Variants in XPNPEP2 observed in about 807,000 individuals in gnomAD.
XPNPEP2 encodes xaa-Pro aminopeptidase 2.
A neutral mutation model predicts 59.8 loss-of-function variants in XPNPEP2; 64 were observed. The ratio of observed to expected loss-of-function variants is 1.07; its 90% CI spans 0.87 to 1.32. The LOEUF (loss-of-function observed/expected upper bound fraction) is 1.32, where lower values mean the gene tolerates loss of function less well. XPNPEP2 is among the 40% of genes most tolerant of loss of function. The pLI, the probability that XPNPEP2 is intolerant of heterozygous loss-of-function variation, is 0.00. For missense variants in XPNPEP2, 575 were observed against 546.8 expected (o/e 1.05, Z -0.51); for synonymous variants, 235 against 210.0 (o/e 1.12, Z -1.03).
intron 1 of XPNPEP2, among the ~76,000 whole-genome samples, chrX:129,739,931 C>T (rs1290502922): frequency 2.7e-5 from 3 of 112,227 alleles, no homozygotes; most frequent in African/African-American, 9.7e-5. Context: ...CCCAGCCCAG[C>T]GCTCCCACCC....
chrX:129,755,078 T>C (rs1018678397), intron 12 of XPNPEP2, among the ~76,000 whole-genome samples: 2 of 111,628 alleles, frequency 1.8e-5, no homozygotes, highest in Admixed American at 1.9e-4. Context: ...GGAGAGGAAA[T>C]AATGTGTGTC....
At chrX:129,755,969 G>A (rs1231464818) in intron 13 of XPNPEP2, among the ~76,000 whole-genome samples, 5 of 111,682 alleles carry the variant, frequency 4.5e-5, no homozygotes, top group East Asian at 2.8e-4. Context: ...GGTGCTCCTC[G>A]GCTTTACCAC....
At chrX:129,745,907 C>A (rs1434732372) in intron 4 of XPNPEP2, among the ~76,000 whole-genome samples, 1 of 111,077 alleles carries the variant, frequency 9.0e-6, no homozygotes, top group African/African-American at 3.3e-5. Context: ...TCTGGTTTAG[C>A]CTCCCTATCA....
chrX:129,753,752 C>G lies in XPNPEP2; in HGVS notation c.1107+504C>G, dbSNP rs190921469. ...ATAGTACAGTGGTTTAGAGCACAGG[C>G]CCTGGAGCTAGGGTGCCTTGAGTTC... is the stretch of plus-strand genomic sequence containing the variant. On this transcript the variant is annotated intron_variant, in intron 11 of 20. Transcript: ENST00000371106. 1.2e-3 allele frequency among the ~76,000 whole-genome samples: 138 copies of G among 112,043 alleles called. 1 individual carries two copies. Among genetic ancestry groups the G allele is most frequent in the African/African-American group, 3.6e-3 (111 of 30,828 alleles).
chrX:129,761,392 C>T, intron 17 of XPNPEP2, 116 bp downstream of exon 17: 1 of 603,691 alleles, frequency 1.7e-6, no homozygotes. Flanking sequence ...CATGATCTAC[C>T]CAAGGTTACC....
intron 3 of XPNPEP2, among the ~76,000 whole-genome samples, 188 bp from the exon 4 acceptor site, chrX:129,745,015 G>A (rs1032910156): frequency 5.4e-5 from 6 of 111,572 alleles, no homozygotes; most frequent in Non-Finnish European, 1.1e-4. Context: ...TTGCTCAAAG[G>A]AAGGGAAGAT....
intron 2 of XPNPEP2, among the ~76,000 whole-genome samples, chrX:129,743,352 C>T (rs113964604): frequency 3.6e-5 from 4 of 112,103 alleles, no homozygotes; most frequent in African/African-American, 9.7e-5. Context: ...CATTCACTCT[C>T]CTCTGCCATT....
Position 129,747,626 on chromosome X carries a change from T to A in XPNPEP2, c.510T>A (p.Asp170Glu). Residue 170 changes from aspartate to glutamate, a missense_variant, in exon 7 of 21, where the codon GAT (aspartate) becomes GAA (glutamate). Asp to Glu is a conservative substitution (Grantham distance 45, BLOSUM62 2). Transcript: ENST00000371106. ...LLSIDTWESY[D>E]LALQGSNRQL... is the part of the protein sequence containing the mutation. Reference sequence around the variant, plus strand: ...CTGCAGACACCTGGGAGAGTTATGATCTGGCCCTCCAAGGCTCTAACAGAC... The same window carrying A: ...CTGCAGACACCTGGGAGAGTTATGAACTGGCCCTCCAAGGCTCTAACAGAC... 8.3e-7 allele frequency: 1 copy of A among 1,211,690 alleles called. No individual in the cohort carries two copies. The highest frequency in any genetic ancestry group is 1.1e-6 in the Non-Finnish European group (1 of 895,565).
At chrX:129,767,133 G>A (rs764355519) in intron 19 of XPNPEP2, among the ~76,000 whole-genome samples, 2 of 111,280 alleles carry the variant, frequency 1.8e-5, no homozygotes, top group Non-Finnish European at 3.8e-5. Flanking sequence ...AGGATCACCT[G>A]AGCCCAGGAG....
In XPNPEP2 at chrX:129,768,272, C is replaced by T. The variant is rs780427485; in HGVS notation, c.1831-19C>T. 6.2e-6 allele frequency: 7 copies of T among 1,137,285 alleles called. No homozygotes were observed. The highest frequency in any genetic ancestry group is 8.1e-6 in the Non-Finnish European group (7 of 859,546). 93.7% of individuals were successfully genotyped at this position (1,137,285 alleles called of 1,213,427 possible). ...GCAGCTTGGCTTAGAGAGGCTGTCA[C>T]CCCTTCTATCCTTCGCAGCTCCAGT... On this transcript the variant is annotated intron_variant, in intron 20 of 20. Transcript: ENST00000371106.
Position 129,744,038 on chromosome X carries a change from A to G in XPNPEP2, c.201A>G (p.Ser67=). 1 of 1,211,735 alleles carries G rather than the reference A, an allele frequency of 8.3e-7. No homozygotes were observed. The highest frequency in any genetic ancestry group is 3.0e-5 in the East Asian group (1 of 33,871). The part of the protein sequence containing the change: ...LRQQMQTQNL[S]AYIIPGTDAH... ...AGCAGATGCAGACCCAGAATCTCTC[A>G]GCCTACATCATCCCAGGCACAGATG... The change falls in exon 3 of 21, where the codon TCA becomes TCG. Residue 67 remains serine, a synonymous_variant. Coordinates refer to ENST00000371106, the MANE Select transcript of XPNPEP2 (RefSeq NM_003399.6).
intron 17 of XPNPEP2, among the ~76,000 whole-genome samples, chrX:129,761,672 T>C (rs892455242): frequency 7.1e-5 from 8 of 112,022 alleles, no homozygotes; most frequent in African/African-American, 2.6e-4. Context: ...AGAAATGTTT[T>C]AAGTATCCAG....
Position 129,761,852 on chromosome X carries a change from G to A in XPNPEP2, c.1604-154G>A, listed in dbSNP as rs112065866. 2.7e-3 allele frequency among the ~76,000 whole-genome samples: 305 copies of A among 112,264 alleles called. 1 individual carries two copies. Among genetic ancestry groups the A allele is most frequent in the African/African-American group, 8.8e-3 (272 of 30,908 alleles). ...AATAATAAAAGCCAGAGCCAATCTG[G>A]TGTGTGCCAGGCCCAGGCAGACAAT... On this transcript the variant is annotated intron_variant, in intron 17 of 20. Transcript: ENST00000371106.
intron 1 of XPNPEP2, among the ~76,000 whole-genome samples, chrX:129,740,812 CAT>C (rs1453592110): frequency 3.7e-5 from 4 of 107,935 alleles, no homozygotes; most frequent in Admixed American, 9.8e-5. Flanking sequence ...GTGGTGGGTG[CAT>C]GCCTGTAGTC....
intron 13 of XPNPEP2, among the ~76,000 whole-genome samples, 181 bp from the exon 14 acceptor site, chrX:129,756,303 C>T (rs1270126849): frequency 8.9e-6 from 1 of 111,734 alleles, no homozygotes; most frequent in African/African-American, 3.3e-5. Flanking sequence ...GATTAACAGA[C>T]GTGTGCTGAG....
In XPNPEP2 at chrX:129,742,178, C is replaced by T. The variant is rs144660520; in HGVS notation, c.120C>T (p.Pro40=). The part of the protein sequence containing the change: ...GQDVRNCSTN[P]PYLPVTVVNT... ...ATGTGAGAAACTGTTCCACCAACCC[C>T]CCTGTGAGTGCCCCCTGCCCCCCGC... Residue 40 remains proline (P), a synonymous_variant, in exon 2 of 21, where the codon CCC becomes CCT. Coordinates refer to ENST00000371106, the MANE Select transcript of XPNPEP2 (RefSeq NM_003399.6). 840 of 1,182,345 alleles carry T rather than the reference C, an allele frequency of 7.1e-4. No homozygotes were observed. The highest frequency in any genetic ancestry group is 9.0e-4 in the Non-Finnish European group (789 of 877,565).
chrX:129,769,269 C>G lies in XPNPEP2; in HGVS notation c.*784C>G, dbSNP rs919685086. On this transcript the variant is annotated 3_prime_UTR_variant, in exon 21 of 21. Transcript: ENST00000371106. ...CTTGTGTGGACAGTGTCTGGTTTCT[C>G]CATTTTACAGACAGGAAAACTGAGC... is the stretch of plus-strand genomic sequence containing the variant. The G allele has an allele frequency of 8.9e-6, 1 of 112,531 alleles. No individual in the cohort carries two copies. The highest frequency in any genetic ancestry group is 1.9e-5 in the Non-Finnish European group (1 of 53,314). 9.3% of individuals were successfully genotyped at this position (112,531 alleles called of 1,213,427 possible).
chrX:129,752,848 C>A (rs1926446150), intron 10 of XPNPEP2, among the ~76,000 whole-genome samples: 2 of 112,443 alleles, frequency 1.8e-5, no homozygotes, highest in Non-Finnish European at 3.8e-5. Context: ...TGTCGAGTGA[C>A]TCAGGCCAGA....
intron 20 of XPNPEP2, 147 bp downstream of exon 20, chrX:129,767,839 G>A (rs1411764386): frequency 6.9e-6 from 4 of 577,070 alleles, no homozygotes; most frequent in Non-Finnish European, 1.1e-5. Context: ...TTCCTCCCCA[G>A]CTCATCAGAG....
Sources: allele counts gnomAD v4.1 joint callset (sites outside exome capture counted in the v4.1 genomes callset), GRCh38; gene constraint gnomAD v4.1.1; transcripts MANE v1.5; gene names NCBI Gene and HGNC (gene_info 2026-07-23, HGNC 2026-07-21).